The following TBL1X variants were observed in gnomAD, a reference collection of about 807,000 sequenced individuals.
TBL1X encodes F-box-like/WD repeat-containing protein TBL1X.
Under a neutral mutation model 50.7 loss-of-function variants are expected in TBL1X, and 10 were observed. The ratio of observed to expected loss-of-function variants is 0.20; its 90% CI spans 0.12 to 0.33. TBL1X has a LOEUF of 0.33. TBL1X is among the 10% of genes least tolerant of loss of function. The pLI is 1.00. For synonymous variants in TBL1X, 190 were observed against 214.7 expected, an observed-to-expected ratio of 0.88 and a Z score of 1.01; for missense variants, 340 against 504.4, an observed-to-expected ratio of 0.67 and a Z score of 3.12.
At chrX:9,467,131 A>G (rs1002280867) in intron 1 of TBL1X, among the ~76,000 whole-genome samples, 2 of 112,658 alleles carry the variant, frequency 1.8e-5, no homozygotes, top group Admixed American at 9.4e-5. Context: ...GAGTTTTCCC[A>G]TCAATTATAT....
chrX:9,611,071 C>G (rs1473014060), intron 2 of TBL1X, among the ~76,000 whole-genome samples: 2 of 110,535 alleles, frequency 1.8e-5, no homozygotes, highest in Non-Finnish European at 3.8e-5. Context: ...ATACTTTGCT[C>G]CTACAGACTA....
At chrX:9,494,755 G>A (rs1051211005) in intron 1 of TBL1X, among the ~76,000 whole-genome samples, 1 of 111,653 alleles carries the variant, frequency 9.0e-6, no homozygotes, top group South Asian at 3.7e-4. Flanking sequence ...GAAGGTGGAC[G>A]TGTTAAAATC....
chrX:9,661,276 G>A (rs1005332479), intron 5 of TBL1X, among the ~76,000 whole-genome samples: 2 of 112,492 alleles, frequency 1.8e-5, no homozygotes, highest in Non-Finnish European at 3.8e-5. Flanking sequence ...TACCCAGTGT[G>A]GAGGCCCACG....
intron 2 of TBL1X, among the ~76,000 whole-genome samples, chrX:9,513,680 T>C (rs1418945026): frequency 1.8e-5 from 2 of 111,129 alleles, no homozygotes; most frequent in South Asian, 3.7e-4. Context: ...TTGTCACAGC[T>C]TGGGGAGGGA....
chrX:9,715,841 C>T (rs1287542213), intron 17 of TBL1X, among the ~76,000 whole-genome samples: 1 of 58,994 alleles, frequency 1.7e-5, no homozygotes, highest in East Asian at 3.0e-4. Context: ...GGCAAGCGGC[C>T]GTTCTGGCTG....
intron 2 of TBL1X, among the ~76,000 whole-genome samples, chrX:9,611,786 G>A (rs2082615069): frequency 1.8e-5 from 2 of 112,162 alleles, no homozygotes; most frequent in Non-Finnish European, 3.8e-5. Flanking sequence ...GTCTTTCGGG[G>A]CAGTCTGTTA....
chrX:9,654,090 C>G (rs2082851720), intron 4 of TBL1X, 125 bp from the exon 5 acceptor site: 7 of 521,333 alleles, frequency 1.3e-5, no homozygotes, highest in Non-Finnish European at 1.5e-5. Flanking sequence ...TAAAATATAA[C>G]ACAATCAGAT....
chrX:9,524,410 G>T, intron 2 of TBL1X, among the ~76,000 whole-genome samples: 1 of 111,955 alleles, frequency 8.9e-6, no homozygotes, highest in Non-Finnish European at 1.9e-5. Context: ...CCCAGCCCCA[G>T]CACCCACCCA....
At chrX:9,486,405 T>C (rs905754351) in intron 1 of TBL1X, among the ~76,000 whole-genome samples, 10 of 109,836 alleles carry the variant, frequency 9.1e-5, no homozygotes, top group Non-Finnish European at 1.5e-4. Context: ...GGTTAATTTT[T>C]GTATTTTTTG....
intron 2 of TBL1X, among the ~76,000 whole-genome samples, chrX:9,611,798 G>T (rs1368052666): frequency 1.8e-5 from 2 of 112,101 alleles, no homozygotes; most frequent in East Asian, 5.6e-4. Context: ...AGTCTGTTAG[G>T]GAGGGGGTGG....
At chrX:9,544,162 C>T (rs760514430) in intron 2 of TBL1X, among the ~76,000 whole-genome samples, 1 of 112,029 alleles carries the variant, frequency 8.9e-6, no homozygotes, top group Non-Finnish European at 1.9e-5. Flanking sequence ...TTCCAAACTC[C>T]TACTAATTAT....
intron 2 of TBL1X, among the ~76,000 whole-genome samples, chrX:9,527,703 T>G (rs1382235896): frequency 9.0e-6 from 1 of 111,557 alleles, no homozygotes; most frequent in Non-Finnish European, 1.9e-5. Context: ...ATTGACAACA[T>G]GTGAGTGACT....
intron 3 of TBL1X, among the ~76,000 whole-genome samples, chrX:9,648,512 C>T (rs1247576723): frequency 8.9e-6 from 1 of 112,025 alleles, no homozygotes; most frequent in East Asian, 2.8e-4. Flanking sequence ...AGGTCCTCCC[C>T]ACATGTACAC....
At chrX:9,547,434 C>T (rs2082250397) in intron 2 of TBL1X, among the ~76,000 whole-genome samples, 1 of 111,529 alleles carries the variant, frequency 9.0e-6, no homozygotes, top group Non-Finnish European at 1.9e-5. Flanking sequence ...ATTCTCCTGC[C>T]TCAGCCTCCC....
chrX:9,517,088 A>T (rs188542121), intron 2 of TBL1X, among the ~76,000 whole-genome samples: 11 of 111,547 alleles, frequency 9.9e-5, no homozygotes, highest in Admixed American at 7.6e-4. Context: ...GGAAGGAACC[A>T]CCCAGGGTGG....
At chrX:9,506,506 C>T (rs1047907392) in intron 2 of TBL1X, among the ~76,000 whole-genome samples, 3 of 111,439 alleles carry the variant, frequency 2.7e-5, no homozygotes, top group African/African-American at 9.8e-5. Context: ...ATCATTGAAT[C>T]CAGGAGCTGG....
At chrX:9,483,203 G>T (rs945663764) in intron 1 of TBL1X, among the ~76,000 whole-genome samples, 60 of 111,687 alleles carry the variant, frequency 5.4e-4, no homozygotes, top group Non-Finnish European at 9.6e-4. Flanking sequence ...CCTCGTGGTA[G>T]CTGTAAATGA....
In TBL1X at chrX:9,580,222, A is replaced by C. The variant is rs767484910; in HGVS notation, c.-130-60051A>C. The stretch of plus-strand genomic sequence containing the variant: ...TCAATTTAGGAAGTTTATTTTGCCA[A>C]AGTTAAGGATGCGCACCCATGACAC... On this transcript the variant is annotated intron_variant, in intron 2 of 17. Coordinates refer to ENST00000645353, the MANE Select transcript of TBL1X (RefSeq NM_005647.4). Among the ~76,000 whole-genome samples the C allele has an allele frequency of 8.9e-5, 10 of 111,945 alleles. No individual in the cohort carries two copies. In the South Asian group the frequency reaches 3.4e-3, roughly 38 times the overall value.
rs750429131 is a variant in TBL1X, at chrX:9,469,422, C to G, written c.-201+3975C>G. Among the ~76,000 whole-genome samples the G allele has an allele frequency of 3.6e-5, 4 of 112,103 alleles. No homozygotes were observed. In the South Asian group the frequency reaches 1.5e-3, roughly 42 times the overall value. Reference sequence around the variant, plus strand: ...AGGCGACCCTCCCGCCTCGGCCTCCCAAAGTGCTGGGCTTATGGGCATGAG... The same window carrying G: ...AGGCGACCCTCCCGCCTCGGCCTCCGAAAGTGCTGGGCTTATGGGCATGAG... On this transcript the variant is annotated intron_variant, in intron 1 of 17. Transcript: ENST00000645353.
Sources: allele counts gnomAD v4.1 joint callset (sites outside exome capture counted in the v4.1 genomes callset), GRCh38; gene constraint gnomAD v4.1.1; transcripts MANE v1.5; gene names NCBI Gene and HGNC (gene_info 2026-07-23, HGNC 2026-07-21).